Variants in CERS3 observed in about 807,000 individuals in gnomAD.
The protein encoded by CERS3 is LAG1 homolog, ceramide synthase 3.
CERS3 carries 33 observed loss-of-function variants against 50.3 expected under a neutral mutation model. The ratio of observed to expected loss-of-function variants is 0.66; its 90% CI spans 0.50 to 0.88. CERS3 has a LOEUF of 0.88. Ranked by LOEUF, CERS3 falls within the 40% of genes least tolerant of loss-of-function variation. The pLI, the probability that CERS3 is intolerant of heterozygous loss-of-function variation, is 0.00. For missense variants in CERS3, 470 were observed against 460.3 expected, an observed-to-expected ratio of 1.02 and a Z score of -0.19; for synonymous variants, 176 against 155.2, an observed-to-expected ratio of 1.13 and a Z score of -0.99.
chr15:100,408,264 C>G (rs1191051228), intron 11 of CERS3, among the ~76,000 whole-genome samples: 1 of 152,160 alleles, frequency 6.6e-6, no homozygotes, highest in Non-Finnish European at 1.5e-5. Context: ...GAAATATGTA[C>G]TTTTCTTCGT....
intron 11 of CERS3, among the ~76,000 whole-genome samples, chr15:100,451,384 A>G (rs563806714): frequency 6.6e-6 from 1 of 152,016 alleles, no homozygotes; most frequent in Non-Finnish European, 1.5e-5. Flanking sequence ...TGCTGCCTAC[A>G]AGAAGTTTAT....
chr15:100,515,907 T>G (rs2036475528), intron 2 of CERS3, among the ~76,000 whole-genome samples: 1 of 152,212 alleles, frequency 6.6e-6, no homozygotes, highest in Admixed American at 6.5e-5. Flanking sequence ...ACTGGCCATC[T>G]TCGCGAACTC....
chr15:100,542,682 A>G (rs1316761909), intron 1 of CERS3, among the ~76,000 whole-genome samples: 1 of 152,206 alleles, frequency 6.6e-6, no homozygotes, highest in Non-Finnish European at 1.5e-5. Context: ...CTGTATATGT[A>G]ACGAATTTGT....
intron 5 of CERS3, among the ~76,000 whole-genome samples, chr15:100,480,464 T>G (rs1243191234): frequency 6.6e-6 from 1 of 152,212 alleles, no homozygotes; most frequent in Non-Finnish European, 1.5e-5. Context: ...CCCCATTTAA[T>G]TCCCAGTTAA....
At chr15:100,430,228 C>T (rs1291467839) in intron 11 of CERS3, among the ~76,000 whole-genome samples, 2 of 151,702 alleles carry the variant, frequency 1.3e-5, no homozygotes, top group Non-Finnish European at 2.9e-5. Context: ...AGGAGAATGG[C>T]GTGAACCCGG....
intron 11 of CERS3, among the ~76,000 whole-genome samples, chr15:100,455,270 A>C (rs1324485003): frequency 1.3e-5 from 2 of 152,012 alleles, no homozygotes; most frequent in Non-Finnish European, 2.9e-5. Flanking sequence ...AAAACAATAT[A>C]CCAAAGAGTA....
chr15:100,487,602 T>C (rs1251522833), intron 4 of CERS3, among the ~76,000 whole-genome samples: 1 of 152,176 alleles, frequency 6.6e-6, no homozygotes, highest in Non-Finnish European at 1.5e-5. Flanking sequence ...GAAAGGTCTC[T>C]CTCAGACACA....
At chr15:100,470,697 G>A (rs1212985264) in intron 9 of CERS3, among the ~76,000 whole-genome samples, 1 of 152,188 alleles carries the variant, frequency 6.6e-6, no homozygotes, top group African/African-American at 2.4e-5. Context: ...TGAAATGGTA[G>A]ACAGCAGCCC....
At chr15:100,460,873 T>G (rs1050239105) in intron 10 of CERS3, among the ~76,000 whole-genome samples, 1 of 152,168 alleles carries the variant, frequency 6.6e-6, no homozygotes, top group African/African-American at 2.4e-5. Flanking sequence ...TTGTGATCCA[T>G]GTAAAGAAAG....
At chr15:100,421,016 C>T (rs971434889) in intron 11 of CERS3, among the ~76,000 whole-genome samples, 2 of 143,018 alleles carry the variant, frequency 1.4e-5, no homozygotes, top group African/African-American at 5.2e-5. Flanking sequence ...CCTTTGAAAA[C>T]TGGCACAAGA....
intron 11 of CERS3, among the ~76,000 whole-genome samples, chr15:100,420,399 G>T (rs533154724): frequency 3.3e-5 from 5 of 152,238 alleles, no homozygotes; most frequent in African/African-American, 9.6e-5. Context: ...TTGAATCTCT[G>T]AATAGACCAA....
intron 1 of CERS3, among the ~76,000 whole-genome samples, chr15:100,536,676 A>C (rs1010197389): frequency 6.6e-6 from 1 of 152,190 alleles, no homozygotes; most frequent in African/African-American, 2.4e-5. Flanking sequence ...CACCTCCCCA[A>C]ATAACCAATC....
intron 10 of CERS3, 96 bp from the exon 11 acceptor site, chr15:100,456,142 G>A (rs139881030): frequency 7.2e-6 from 6 of 839,142 alleles, no homozygotes; most frequent in South Asian, 3.6e-5. Flanking sequence ...AGCCATACAT[G>A]TATTTCGTTT....
intron 1 of CERS3, among the ~76,000 whole-genome samples, chr15:100,527,925 A>G (rs1043314303): frequency 1.3e-5 from 2 of 152,260 alleles, no homozygotes; most frequent in Non-Finnish European, 2.9e-5. Context: ...TTATAAATGG[A>G]AACCCCTTTT....
At chr15:100,403,635 C>A (rs1241110398) in intron 11 of CERS3, among the ~76,000 whole-genome samples, 2 of 152,168 alleles carry the variant, frequency 1.3e-5, no homozygotes, top group African/African-American at 4.8e-5. Flanking sequence ...ATACATTTGA[C>A]AACTTAGATA....
At chr15:100,411,220 T>G (rs1276323952) in intron 11 of CERS3, among the ~76,000 whole-genome samples, 3 of 152,212 alleles carry the variant, frequency 2.0e-5, no homozygotes, top group African/African-American at 7.2e-5. Context: ...TGGAGTGCAG[T>G]GGCACGATCT....
intron 10 of CERS3, among the ~76,000 whole-genome samples, chr15:100,465,013 A>G (rs2034668205): frequency 6.6e-6 from 1 of 152,098 alleles, no homozygotes; most frequent in African/African-American, 2.4e-5. Context: ...AAATCAGAGA[A>G]AGGTCAAAGA....
intron 11 of CERS3, among the ~76,000 whole-genome samples, chr15:100,416,513 T>C (rs1054617936): frequency 6.6e-6 from 1 of 152,148 alleles, no homozygotes; most frequent in African/African-American, 2.4e-5. Context: ...GGGTAATTTG[T>C]AAAGGAAAGA....
chr15:100,510,839 T>C (rs1360163452), intron 2 of CERS3, among the ~76,000 whole-genome samples: 1 of 152,228 alleles, frequency 6.6e-6, no homozygotes, highest in Non-Finnish European at 1.5e-5. Context: ...TGAATTTCTA[T>C]CTTAGTCATT....
Sources: allele counts gnomAD v4.1 joint callset (sites outside exome capture counted in the v4.1 genomes callset), GRCh38; gene constraint gnomAD v4.1.1; transcripts MANE v1.5; gene names NCBI Gene and HGNC (gene_info 2026-07-23, HGNC 2026-07-21).